SHROOM2: variants seen among roughly 807,000 people sequenced by gnomAD.
SHROOM2 encodes the protein protein Shroom2.
Under a neutral mutation model 75.9 loss-of-function variants are expected in SHROOM2, and 33 were observed. The observed-to-expected ratio is 0.43, with a 90% CI of 0.33 to 0.58. SHROOM2 has a LOEUF of 0.58. Ranked by LOEUF, SHROOM2 falls within the 20% of genes least tolerant of loss-of-function variation. The pLI, the probability that SHROOM2 is intolerant of heterozygous loss-of-function variation, is 0.04. For synonymous variants in SHROOM2, 655 were observed against 663.6 expected (o/e 0.99, Z 0.20); for missense variants, 1,434 against 1,461.2 (o/e 0.98, Z 0.30).
intron 8 of SHROOM2, among the ~76,000 whole-genome samples, chrX:9,944,400 G>A (rs1215941343): frequency 8.9e-6 from 1 of 112,153 alleles, no homozygotes; most frequent in East Asian, 2.8e-4. Flanking sequence ...CTCTAATAGG[G>A]CATGAACAGA....
chrX:9,791,683 T>C (rs1200602279), intron 1 of SHROOM2, among the ~76,000 whole-genome samples: 1 of 111,374 alleles, frequency 9.0e-6, no homozygotes, highest in Non-Finnish European at 1.9e-5. Flanking sequence ...CCTGTTGCTC[T>C]TTTAGGCCTT....
intron 1 of SHROOM2, among the ~76,000 whole-genome samples, chrX:9,841,644 T>C (rs2083980147): frequency 8.9e-6 from 1 of 111,929 alleles, no homozygotes; most frequent in Non-Finnish European, 1.9e-5. Flanking sequence ...CCTTCCCTCA[T>C]TGCTAAGGGA....
chrX:9,902,855 C>T (rs950940136), intron 5 of SHROOM2, among the ~76,000 whole-genome samples: 12 of 111,397 alleles, frequency 1.1e-4, no homozygotes, highest in African/African-American at 2.9e-4. Context: ...CAGCCACTTC[C>T]GCCCCCGCCT....
intron 1 of SHROOM2, among the ~76,000 whole-genome samples, chrX:9,844,833 T>A (rs150781310): frequency 0.013 from 1,476 of 110,575 alleles, 30 homozygotes; most frequent in African/African-American, 0.047. Context: ...ATAAATAAAT[T>A]AATTAATTAA....
intron 1 of SHROOM2, among the ~76,000 whole-genome samples, chrX:9,821,055 T>C (rs2083850581): frequency 1.8e-5 from 2 of 111,999 alleles, no homozygotes; most frequent in Admixed American, 1.9e-4. Context: ...GCAGCATCAG[T>C]ATCCCCTGGG....
At chrX:9,885,612 A>G (rs1227070452) in intron 2 of SHROOM2, among the ~76,000 whole-genome samples, 1 of 111,727 alleles carries the variant, frequency 9.0e-6, no homozygotes, top group Non-Finnish European at 1.9e-5. Context: ...CAGTTAAAGC[A>G]GAAAGAGTGC....
intron 1 of SHROOM2, among the ~76,000 whole-genome samples, chrX:9,844,926 CTTGCTCAG>C (rs1301351126): frequency 8.9e-6 from 1 of 112,113 alleles, no homozygotes; most frequent in East Asian, 2.8e-4. Context: ...AACTCCCACT[CTTGCTCAG>C]TTGCCTACCA....
chrX:9,861,841 C>T (rs1183482898), intron 1 of SHROOM2, among the ~76,000 whole-genome samples: 2 of 111,238 alleles, frequency 1.8e-5, no homozygotes, highest in Non-Finnish European at 3.8e-5. Context: ...TGAAACGCTC[C>T]GTGCCCCCAC....
At chrX:9,807,064 GC>G (rs2083757092) in intron 1 of SHROOM2, among the ~76,000 whole-genome samples, 1 of 111,472 alleles carries the variant, frequency 9.0e-6, no homozygotes, top group Admixed American at 9.6e-5. Context: ...TCTAGGGAAG[GC>G]CTGCCGGGCC....
intron 1 of SHROOM2, among the ~76,000 whole-genome samples, chrX:9,792,054 TA>T (rs1569132926): frequency 1.1e-4 from 3 of 27,405 alleles, no homozygotes; most frequent in African/African-American, 5.9e-4. Context: ...TAGAATAGAA[TA>T]GAATAGAATA....
intron 1 of SHROOM2, among the ~76,000 whole-genome samples, chrX:9,792,156 G>GAATAATAGAATAGAATAGAATAC (rs201416945): frequency 8.5e-5 from 1 of 11,772 alleles, no homozygotes; most frequent in Non-Finnish European, 2.0e-4. Context: ...GAATAGAATA[G>GAATAATAGAATAGAATAGAATAC]AATAATCACC....
intron 1 of SHROOM2, among the ~76,000 whole-genome samples, chrX:9,846,347 T>G (rs758764122): frequency 8.9e-6 from 1 of 111,809 alleles, no homozygotes; most frequent in Non-Finnish European, 1.9e-5. Flanking sequence ...CAGGCTGGAG[T>G]GCAGTGGTGC....
chrX:9,815,554 C>CCTATATCTA (rs1555923286), intron 1 of SHROOM2, among the ~76,000 whole-genome samples: 1 of 68,041 alleles, frequency 1.5e-5, no homozygotes, highest in Admixed American at 2.0e-4. Flanking sequence ...TATCCTATAT[C>CCTATATCTA]TATCCTATAT....
chrX:9,919,627 G>A (rs2084524464), intron 5 of SHROOM2, among the ~76,000 whole-genome samples: 1 of 110,354 alleles, frequency 9.1e-6, no homozygotes, highest in Admixed American at 9.8e-5. Context: ...ACCGCACCCG[G>A]CCCCGCATTT....
At chrX:9,829,178 CA>C (rs2083903092) in intron 1 of SHROOM2, among the ~76,000 whole-genome samples, 1 of 111,945 alleles carries the variant, frequency 8.9e-6, no homozygotes. Context: ...CATGCGCCAC[CA>C]CCCCCGGCTA....
At chrX:9,867,595 G>A (rs1423101573) in intron 1 of SHROOM2, among the ~76,000 whole-genome samples, 2 of 111,189 alleles carry the variant, frequency 1.8e-5, no homozygotes, top group African/African-American at 6.5e-5. Context: ...CACGCATGCG[G>A]CACCTTCCCT....
rs749469086 is a variant in SHROOM2, at chrX:9,896,075, A to G, written c.2167A>G (p.Thr723Ala). ...SLEHRMGDPD[T>A]VPHFWEAGLA... ...GGAACACCGGATGGGGGATCCAGACACTGTCCCCCACTTCTGGGAGGCAGG... is the reference window on the plus strand; with the variant it reads ...GGAACACCGGATGGGGGATCCAGACGCTGTCCCCCACTTCTGGGAGGCAGG... Residue 723 changes from threonine (T) to alanine (A), a missense_variant, in exon 4 of 10, where the codon ACT becomes GCT. Transcript: ENST00000380913. 13 of 1,209,969 alleles carry G rather than the reference A, an allele frequency of 1.1e-5. No individual in the cohort carries two copies. In the South Asian group the frequency reaches 1.8e-4, roughly 16 times the overall value.
At chrX:9,807,751 C>A (rs1263043255) in intron 1 of SHROOM2, among the ~76,000 whole-genome samples, 1 of 112,252 alleles carries the variant, frequency 8.9e-6, no homozygotes, top group East Asian at 2.8e-4. Flanking sequence ...TGTGAAAAGG[C>A]ATTTCTCACT....
intron 1 of SHROOM2, chrX:9,819,153 A>G (rs1275081909): frequency 5.9e-6 from 7 of 1,179,263 alleles, no homozygotes; most frequent in East Asian, 5.9e-5. Context: ...AGAATTACCT[A>G]TTGTTTGCTG....
Sources: allele counts gnomAD v4.1 joint callset (sites outside exome capture counted in the v4.1 genomes callset), GRCh38; gene constraint gnomAD v4.1.1; transcripts MANE v1.5; gene names NCBI Gene and HGNC (gene_info 2026-07-23, HGNC 2026-07-21).